The following BICDL1 variants were observed in gnomAD, a reference collection of about 807,000 sequenced individuals.
The protein encoded by BICDL1 is BICD family-like cargo adapter 1.
Under a neutral mutation model 76.8 loss-of-function variants are expected in BICDL1, and 20 were observed. The observed-to-expected ratio is 0.26, with a 90% CI of 0.18 to 0.38. BICDL1 has a LOEUF of 0.38. BICDL1 is among the 10% of genes least tolerant of loss of function. The pLI is 1.00. For missense variants in BICDL1, 700 were observed against 798.6 expected (o/e 0.88, Z 1.49); for synonymous variants, 383 against 337.1 (o/e 1.14, Z -1.49).
intron 2 of BICDL1, among the ~76,000 whole-genome samples, chr12:120,021,457 C>A (rs747202480): frequency 1.4e-5 from 2 of 147,866 alleles, no homozygotes; most frequent in Non-Finnish European, 3.0e-5. Flanking sequence ...CATGGTGGCA[C>A]GCGCCTGTAG....
intron 8 of BICDL1, among the ~76,000 whole-genome samples, chr12:120,088,583 C>T (rs1446791501): frequency 6.6e-6 from 1 of 152,070 alleles, no homozygotes; most frequent in African/African-American, 2.4e-5. Flanking sequence ...TCTCGAACTC[C>T]TGACCTCAGG....
intron 7 of BICDL1, among the ~76,000 whole-genome samples, chr12:120,077,688 G>A (rs1873662922): frequency 6.6e-6 from 1 of 152,110 alleles, no homozygotes; most frequent in Non-Finnish European, 1.5e-5. Flanking sequence ...TCTCAGCATG[G>A]CCATCTCCTC....
In BICDL1 at chr12:120,072,780, GA is replaced by G; in HGVS notation, c.1308+52del. ...TTACCCCACAGGAGCTGGCTGGTGGGAGGTTAGAACCCAGTGCATAGGGTGA... is the reference window on the plus strand; with the variant it reads ...TTACCCCACAGGAGCTGGCTGGTGGGGGTTAGAACCCAGTGCATAGGGTGA... On this transcript the variant is annotated intron_variant, in intron 6 of 9. Coordinates refer to ENST00000548673, the MANE Select transcript of BICDL1 (RefSeq NM_001367886.1). 3.9e-6 allele frequency: 6 copies of G among 1,544,338 alleles called. 1 individual carries two copies. In the South Asian group the frequency reaches 6.7e-5, roughly 17 times the overall value.
At chr12:120,060,858 C>G (rs984401657) in intron 2 of BICDL1, among the ~76,000 whole-genome samples, 1 of 152,220 alleles carries the variant, frequency 6.6e-6, no homozygotes, top group African/African-American at 2.4e-5. Context: ...CTCGGAAAGC[C>G]TTTCCTGGCC....
In BICDL1 at chr12:120,039,377, C is replaced by T. The variant is rs370541895; in HGVS notation, c.646-22333C>T. On this transcript the variant is annotated intron_variant, in intron 2 of 9. Coordinates refer to ENST00000548673, the MANE Select transcript of BICDL1 (RefSeq NM_001367886.1). ...TTCATGGGCCGAGCGTGGTGGTTCA[C>T]GCCTGTAATCCCAGCACTTTGGGAG... Among the ~76,000 whole-genome samples, 48 of 149,640 alleles carry T rather than the reference C, an allele frequency of 3.2e-4. 1 individual carries two copies. The highest frequency in any genetic ancestry group is 2.2e-3 in the East Asian group (11 of 4,960).
rs1183430560 is a variant in BICDL1 at position 119,998,524 on chromosome 12, T to C, written c.433T>C (p.Leu145=). ...AATCCCTTCACTTTTCACCCAGCAC[T>C]TAGAGCAAGAGAAACATGAATTGAG... ...HKELTDKLEH[L]EQEKHELRRR... is the part of the protein sequence containing the mutation. Residue 145 remains leucine (L), a synonymous_variant, in exon 2 of 10, where the codon TTA becomes CTA. Coordinates refer to ENST00000548673, the MANE Select transcript of BICDL1 (RefSeq NM_001367886.1). The C allele has an allele frequency of 6.2e-7, 1 of 1,602,410 alleles. No individual in the cohort carries two copies.
In BICDL1 at chr12:120,093,586, C is replaced by T; in HGVS notation, c.*425C>T. On this transcript the variant is annotated 3_prime_UTR_variant, in exon 10 of 10. Coordinates refer to ENST00000548673, the MANE Select transcript of BICDL1 (RefSeq NM_001367886.1). ...CTCTGCATGCCTCAGGAGGCCTGAG[C>T]CCCAGGGGCCTAGACCTGTGGGGGC... The T allele has an allele frequency of 5.2e-6, 1 of 193,010 alleles. No homozygotes were observed. Among genetic ancestry groups the T allele is most frequent in the Non-Finnish European group, 1.1e-5 (1 of 90,524 alleles). The allele number at this position is 193,010 out of a possible 1,614,324, so 12.0% of individuals were successfully genotyped here. A position where few individuals can be genotyped will look rare whatever the true frequency, so the allele number is the denominator to read the frequency against.
At chr12:120,026,779 G>T (rs1430278759) in intron 2 of BICDL1, among the ~76,000 whole-genome samples, 1 of 152,108 alleles carries the variant, frequency 6.6e-6, no homozygotes, top group Admixed American at 6.6e-5. Context: ...CATCTTTTTT[G>T]CTCTCTTTAC....
intron 4 of BICDL1, among the ~76,000 whole-genome samples, chr12:120,070,098 G>T (rs1399026116): frequency 6.6e-6 from 1 of 152,144 alleles, no homozygotes; most frequent in East Asian, 1.9e-4. Context: ...AACATCCTGT[G>T]TATGTCTGTT....
intron 2 of BICDL1, among the ~76,000 whole-genome samples, chr12:120,056,674 G>A (rs998404546): frequency 6.6e-6 from 1 of 151,882 alleles, no homozygotes; most frequent in African/African-American, 2.4e-5. Flanking sequence ...CCGAGATCGC[G>A]CTACTGCACT....
chr12:120,008,150 C>CTT (rs71072590), intron 2 of BICDL1, among the ~76,000 whole-genome samples: 26 of 61,712 alleles, frequency 4.2e-4, no homozygotes, highest in African/African-American at 6.3e-4. Flanking sequence ...ATTACTCTTT[C>CTT]TTTTTTTTTT....
intron 2 of BICDL1, among the ~76,000 whole-genome samples, chr12:120,058,264 C>G (rs1305762570): frequency 6.6e-6 from 1 of 152,210 alleles, no homozygotes; most frequent in Non-Finnish European, 1.5e-5. Flanking sequence ...TGCTTAACAG[C>G]TTAGGCTCTA....
At chr12:120,091,469 T>A in intron 9 of BICDL1, 3 of 999,110 alleles carry the variant, frequency 3.0e-6, no homozygotes, top group Non-Finnish European at 3.6e-6. Context: ...GAGCACGTCG[T>A]AAGTGCAGGG....
intron 2 of BICDL1, among the ~76,000 whole-genome samples, chr12:120,030,621 A>G (rs1055920209): frequency 6.6e-6 from 1 of 152,234 alleles, no homozygotes; most frequent in African/African-American, 2.4e-5. Context: ...AACATTATTG[A>G]TAGGTAGCAA....
At chr12:120,006,228 T>C (rs1594104078) in intron 2 of BICDL1, among the ~76,000 whole-genome samples, 2 of 152,228 alleles carry the variant, frequency 1.3e-5, no homozygotes, top group East Asian at 3.8e-4. Context: ...AGTGTTCTGT[T>C]TCTTGACCTT....
rs1432521679 is a variant in BICDL1 at position 119,998,723 on chromosome 12, A to T, written c.632A>T (p.Asp211Val). The T allele has an allele frequency of 5.0e-6, 8 of 1,613,930 alleles. No individual in the cohort carries two copies. Among genetic ancestry groups the T allele is most frequent in the Non-Finnish European group, 6.8e-6 (8 of 1,179,982 alleles). ...ELSEQNQRLL[D>V]QLSRASEVER... ...TCGGAACAGAACCAAAGGCTATTGGATCAGCTCAGCAGGGTGAGTCACAAA... is the reference window on the plus strand; with the variant it reads ...TCGGAACAGAACCAAAGGCTATTGGTTCAGCTCAGCAGGGTGAGTCACAAA... The change falls in exon 2 of 10, where the codon GAT (aspartate) becomes GTT (valine). Residue 211 changes from aspartate to valine, a missense_variant. Physicochemically the swap from Asp to Val is radical, Grantham distance 152 (BLOSUM62 -3). Coordinates refer to ENST00000548673, the MANE Select transcript of BICDL1 (RefSeq NM_001367886.1).
chr12:119,993,615 GTTTC>G (rs1951574156), intron 1 of BICDL1, among the ~76,000 whole-genome samples: 1 of 147,526 alleles, frequency 6.8e-6, no homozygotes, highest in African/African-American at 2.5e-5. Context: ...GCTTAAAGTT[GTTTC>G]TTTTTTTTTT....
At chr12:120,057,405 C>T (rs979578381) in intron 2 of BICDL1, among the ~76,000 whole-genome samples, 1 of 152,230 alleles carries the variant, frequency 6.6e-6, no homozygotes, top group Non-Finnish European at 1.5e-5. Flanking sequence ...TCTCCCACTT[C>T]TTCAAAGGTT....
chr12:120,073,131 C>G (rs1873240838), intron 6 of BICDL1, among the ~76,000 whole-genome samples: 1 of 152,212 alleles, frequency 6.6e-6, no homozygotes, highest in Non-Finnish European at 1.5e-5. Flanking sequence ...ATCTCAGCCT[C>G]CTAAAGTGCT....
Sources: allele counts gnomAD v4.1 joint callset (sites outside exome capture counted in the v4.1 genomes callset), GRCh38; gene constraint gnomAD v4.1.1; transcripts MANE v1.5; gene names NCBI Gene and HGNC (gene_info 2026-07-23, HGNC 2026-07-21).